SAMD4A: variants seen among roughly 807,000 people sequenced by gnomAD.
SAMD4A encodes sterile alpha motif domain containing 4A.
Under a neutral mutation model 81.3 loss-of-function variants are expected in SAMD4A, and 33 were observed. That is an observed-to-expected ratio of 0.41 (90% CI 0.31 to 0.54). SAMD4A has a LOEUF of 0.54. SAMD4A is among the 20% of genes least tolerant of loss of function. SAMD4A has a pLI of 0.37. For synonymous variants in SAMD4A, 389 were observed against 382.1 expected (o/e 1.02, Z -0.21); for missense variants, 854 against 951.1 (o/e 0.90, Z 1.34).
intron 2 of SAMD4A, among the ~76,000 whole-genome samples, chr14:54,630,871 T>C (rs2034880243): frequency 1.3e-5 from 2 of 151,980 alleles, no homozygotes; most frequent in African/African-American, 4.8e-5. Context: ...ATTACATAGC[T>C]ATATTTATTA....
At chr14:54,774,843 A>G (rs1594929588) in intron 9 of SAMD4A, 91 bp from the exon 10 acceptor site, 2 of 1,026,650 alleles carry the variant, frequency 1.9e-6, no homozygotes, top group South Asian at 3.0e-5. Flanking sequence ...AAATGAGGAG[A>G]CCTCCAAGGC....
intron 2 of SAMD4A, among the ~76,000 whole-genome samples, chr14:54,661,068 C>T (rs1290033801): frequency 6.6e-6 from 1 of 152,210 alleles, no homozygotes. Context: ...AGTCAGAACA[C>T]CGAAGTTCTT....
At chr14:54,656,382 G>A (rs776996105) in intron 2 of SAMD4A, among the ~76,000 whole-genome samples, 27 of 152,098 alleles carry the variant, frequency 1.8e-4, no homozygotes, top group Non-Finnish European at 3.4e-4. Flanking sequence ...GAGGCTTCTG[G>A]TCATGGTATG....
intron 2 of SAMD4A, among the ~76,000 whole-genome samples, chr14:54,600,615 C>T (rs1412615483): frequency 6.6e-6 from 1 of 152,120 alleles, no homozygotes; most frequent in African/African-American, 2.4e-5. Context: ...TGCCATCTCC[C>T]AAGTAACTGT....
chr14:54,631,840 C>G (rs2034910859), intron 2 of SAMD4A, among the ~76,000 whole-genome samples: 1 of 152,180 alleles, frequency 6.6e-6, no homozygotes, highest in African/African-American at 2.4e-5. Context: ...CTTCTTTATA[C>G]TAAGAAACTT....
intron 5 of SAMD4A, among the ~76,000 whole-genome samples, chr14:54,750,296 G>C (rs1441376511): frequency 6.6e-6 from 1 of 152,108 alleles, no homozygotes; most frequent in Non-Finnish European, 1.5e-5. Flanking sequence ...TTAGAGACTG[G>C]GTTCACGTGT....
intron 11 of SAMD4A, among the ~76,000 whole-genome samples, chr14:54,783,427 C>T (rs2039052917): frequency 6.6e-6 from 1 of 152,110 alleles, no homozygotes; most frequent in African/African-American, 2.4e-5. Flanking sequence ...GGAGGTGGCT[C>T]CCAGACACTG....
intron 2 of SAMD4A, among the ~76,000 whole-genome samples, chr14:54,597,063 C>G (rs1416833355): frequency 6.6e-6 from 1 of 150,412 alleles, no homozygotes. Flanking sequence ...CACCATATAT[C>G]TGTATTAGCT....
intron 2 of SAMD4A, among the ~76,000 whole-genome samples, chr14:54,620,317 A>G (rs1414996893): frequency 6.6e-6 from 1 of 151,780 alleles, no homozygotes; most frequent in African/African-American, 2.4e-5. Context: ...AAAACTGTCC[A>G]TAACAGTGCC....
chr14:54,629,399 A>G (rs892300253), intron 2 of SAMD4A, among the ~76,000 whole-genome samples: 1 of 152,206 alleles, frequency 6.6e-6, no homozygotes, highest in Non-Finnish European at 1.5e-5. Flanking sequence ...CATCCTAGGA[A>G]GCTAATACAA....
chr14:54,735,776 TCTACCA>T (rs2037676864), intron 3 of SAMD4A, among the ~76,000 whole-genome samples: 1 of 152,224 alleles, frequency 6.6e-6, no homozygotes, highest in South Asian at 2.1e-4. Flanking sequence ...TTGGGACTGC[TCTACCA>T]GAAATATGGT....
intron 11 of SAMD4A, among the ~76,000 whole-genome samples, chr14:54,783,028 G>A (rs908397489): frequency 6.6e-6 from 1 of 152,130 alleles, no homozygotes; most frequent in Non-Finnish European, 1.5e-5. Flanking sequence ...CACAGAGGAA[G>A]GTGGTGGCAA....
intron 2 of SAMD4A, chr14:54,687,242 G>A (rs202153976): frequency 1.1e-4 from 38 of 347,708 alleles, no homozygotes; most frequent in African/African-American, 1.1e-3. Context: ...AAATAAGAAA[G>A]AGAAAAGATG....
intron 2 of SAMD4A, among the ~76,000 whole-genome samples, chr14:54,673,144 A>C (rs889501251): frequency 6.6e-6 from 1 of 152,212 alleles, no homozygotes; most frequent in Non-Finnish European, 1.5e-5. Context: ...GAGCACTATA[A>C]TCCATGCTTG....
chr14:54,750,760 AG>A, intron 5 of SAMD4A, among the ~76,000 whole-genome samples: 1 of 152,198 alleles, frequency 6.6e-6, no homozygotes. Context: ...TGGGACCTTT[AG>A]GGAAACTGAG....
At chr14:54,665,394 T>C (rs2035736890) in intron 2 of SAMD4A, among the ~76,000 whole-genome samples, 1 of 152,230 alleles carries the variant, frequency 6.6e-6, no homozygotes. Flanking sequence ...ATTTCAGTTA[T>C]AGCTCTTCAG....
intron 3 of SAMD4A, among the ~76,000 whole-genome samples, chr14:54,730,829 T>C (rs1464037168): frequency 1.3e-5 from 2 of 152,214 alleles, no homozygotes; most frequent in Non-Finnish European, 2.9e-5. Flanking sequence ...ATTCTTGAAG[T>C]ACTATTAATC....
intron 2 of SAMD4A, among the ~76,000 whole-genome samples, chr14:54,690,452 T>C (rs1013314568): frequency 1.2e-4 from 18 of 151,908 alleles, no homozygotes; most frequent in Admixed American, 4.6e-4. Context: ...TGCCAAATAA[T>C]GTGTTGAGTC....
At chr14:54,603,765 A>G (rs1269714354) in intron 2 of SAMD4A, among the ~76,000 whole-genome samples, 1 of 152,030 alleles carries the variant, frequency 6.6e-6, no homozygotes, top group African/African-American at 2.4e-5. Context: ...TAAAAAAAAA[A>G]AAAAGAACTT....
Sources: allele counts gnomAD v4.1 joint callset (sites outside exome capture counted in the v4.1 genomes callset), GRCh38; gene constraint gnomAD v4.1.1; transcripts MANE v1.5; gene names NCBI Gene and HGNC (gene_info 2026-07-23, HGNC 2026-07-21).